CTNNA3: variants seen among roughly 807,000 people sequenced by gnomAD.
The protein encoded by CTNNA3 is catenin alpha-3.
A neutral mutation model predicts 95.7 loss-of-function variants in CTNNA3; 76 were observed. The ratio of observed to expected loss-of-function variants is 0.79; its 90% CI spans 0.66 to 0.96. The LOEUF (loss-of-function observed/expected upper bound fraction) is 0.96, where lower values mean the gene tolerates loss of function less well. Among genes scored for constraint, CTNNA3 ranks in the 40% least tolerant of loss-of-function variants. CTNNA3 has a pLI of 0.00. For missense variants in CTNNA3, 1,191 were observed against 1,089.8 expected, an observed-to-expected ratio of 1.09 and a Z score of -1.31; for synonymous variants, 431 against 374.4, an observed-to-expected ratio of 1.15 and a Z score of -1.74.
At chr10:67,031,008 A>AAAAT (rs1188848880) in intron 7 of CTNNA3, among the ~76,000 whole-genome samples, 3 of 152,128 alleles carry the variant, frequency 2.0e-5, no homozygotes, top group East Asian at 1.9e-4. Context: ...CCGTCTCAAA[A>AAAAT]AAATAAATAA....
intron 15 of CTNNA3, among the ~76,000 whole-genome samples, chr10:66,047,294 C>T (rs2079849102): frequency 6.6e-6 from 1 of 152,118 alleles, no homozygotes; most frequent in South Asian, 2.1e-4. Flanking sequence ...ATTAAGTAGG[C>T]TTCATCCCTG....
intron 5 of CTNNA3, among the ~76,000 whole-genome samples, chr10:67,479,708 G>A (rs1254607450): frequency 6.6e-6 from 1 of 151,966 alleles, no homozygotes; most frequent in African/African-American, 2.4e-5. Context: ...TAACCCCAAA[G>A]CTAGCTGAAT....
At chr10:66,223,093 A>C (rs1403836745) in intron 13 of CTNNA3, among the ~76,000 whole-genome samples, 3 of 152,160 alleles carry the variant, frequency 2.0e-5, no homozygotes, top group African/African-American at 7.2e-5. Context: ...AACCTTAACA[A>C]AATGTTTATA....
intron 11 of CTNNA3, among the ~76,000 whole-genome samples, chr10:66,436,068 A>G (rs1183562167): frequency 1.3e-5 from 2 of 152,040 alleles, no homozygotes; most frequent in East Asian, 3.8e-4. Flanking sequence ...ATTTATTTGC[A>G]TTTGCTGAGG....
chr10:67,656,862 G>A (rs1325059077), intron 1 of CTNNA3, among the ~76,000 whole-genome samples: 1 of 152,188 alleles, frequency 6.6e-6, no homozygotes, highest in East Asian at 1.9e-4. Context: ...AGTCAGAAAG[G>A]TATGGAGGCT....
In CTNNA3 at chr10:67,126,820, C is replaced by CT. The variant is rs540272495; in HGVS notation, c.1047+53496dup. ...TAACCTAATGTAACAATGAGACACT[C>CT]TGAGCCTTGCTGGATGGTTTAACTA... On this transcript the variant is annotated intron_variant, in intron 7 of 17. Coordinates refer to ENST00000433211, the MANE Select transcript of CTNNA3 (RefSeq NM_013266.4). Among the ~76,000 whole-genome samples the CT allele has an allele frequency of 1.9e-3, 284 of 152,342 alleles. 1 individual carries two copies. Among genetic ancestry groups the CT allele is most frequent in the Non-Finnish European group, 3.5e-3 (241 of 68,030 alleles).
At chr10:67,273,031 G>A (rs974355938) in intron 5 of CTNNA3, among the ~76,000 whole-genome samples, 11 of 152,204 alleles carry the variant, frequency 7.2e-5, no homozygotes, top group South Asian at 4.1e-4. Flanking sequence ...GCATAATGTA[G>A]TAGTTACAAT....
At chr10:67,538,069 C>T (rs751843679) in intron 4 of CTNNA3, among the ~76,000 whole-genome samples, 14 of 147,288 alleles carry the variant, frequency 9.5e-5, no homozygotes, top group Non-Finnish European at 1.6e-4. Context: ...GTAACAGAAA[C>T]CTTTGCTCAA....
chr10:67,311,629 C>T lies in CTNNA3; in HGVS notation c.580-91759G>A, dbSNP rs369441646. On this transcript the variant is annotated intron_variant, in intron 5 of 17. Coordinates refer to ENST00000433211, the MANE Select transcript of CTNNA3 (RefSeq NM_013266.4). ...GCATTTTATTGTATTCAAATCATAC[C>T]TCAATAAAGTTGATTTTAAAAATTG... is the stretch of plus-strand genomic sequence containing the variant. Among the ~76,000 whole-genome samples, 46 of 152,126 alleles carry T rather than the reference C, an allele frequency of 3.0e-4. No individual in the cohort carries two copies. The East Asian group carries it at 6.6e-3, about 22-fold the overall frequency.
chr10:66,285,032 A>G (rs991322968), intron 12 of CTNNA3, among the ~76,000 whole-genome samples: 18 of 151,964 alleles, frequency 1.2e-4, no homozygotes, highest in African/African-American at 4.1e-4. Flanking sequence ...TACCTCATAG[A>G]TCATATATCA....
intron 7 of CTNNA3, among the ~76,000 whole-genome samples, chr10:67,015,708 T>C (rs10997483): frequency 0.31 from 47,309 of 151,986 alleles, 8,603 homozygotes; most frequent in East Asian, 0.53. Context: ...TGTAACAATT[T>C]TCTTCTTTTT....
At chr10:66,552,581 G>A (rs1203804598) in intron 10 of CTNNA3, among the ~76,000 whole-genome samples, 1 of 151,830 alleles carries the variant, frequency 6.6e-6, no homozygotes, top group Non-Finnish European at 1.5e-5. Flanking sequence ...TCTCTAGTGA[G>A]CTTACATCAC....
At chr10:66,054,021 C>T (rs2080018815) in intron 15 of CTNNA3, among the ~76,000 whole-genome samples, 1 of 152,078 alleles carries the variant, frequency 6.6e-6, no homozygotes, top group African/African-American at 2.4e-5. Flanking sequence ...AACGTAATAT[C>T]TTACATTTCT....
chr10:67,132,638 C>T (rs1394863039), intron 7 of CTNNA3, among the ~76,000 whole-genome samples: 1 of 151,828 alleles, frequency 6.6e-6, no homozygotes, highest in Admixed American at 6.6e-5. Context: ...TTATCAAGGA[C>T]ACATAAAATA....
chr10:66,190,769 C>A (rs893567926), intron 13 of CTNNA3, among the ~76,000 whole-genome samples: 6 of 152,002 alleles, frequency 3.9e-5, no homozygotes, highest in African/African-American at 1.4e-4. Flanking sequence ...AAGTAACTGG[C>A]CCATCATTGT....
chr10:67,568,647 T>C (rs1205946275), intron 3 of CTNNA3, among the ~76,000 whole-genome samples: 1 of 152,108 alleles, frequency 6.6e-6, no homozygotes. Context: ...TTGGGTTACC[T>C]GTATTGAAAG....
chr10:66,770,567 G>T (rs1254482296), intron 8 of CTNNA3, among the ~76,000 whole-genome samples: 1 of 152,036 alleles, frequency 6.6e-6, no homozygotes, highest in Non-Finnish European at 1.5e-5. Flanking sequence ...TTAATAAAAG[G>T]CTTTGAGACA....
chr10:66,701,961 T>C (rs1847957289), intron 9 of CTNNA3, among the ~76,000 whole-genome samples: 1 of 152,170 alleles, frequency 6.6e-6, no homozygotes, highest in East Asian at 1.9e-4. Flanking sequence ...TTGTATATTT[T>C]AAATCATCAG....
At chr10:66,260,991 G>A (rs190248044) in intron 13 of CTNNA3, among the ~76,000 whole-genome samples, 119 of 152,078 alleles carry the variant, frequency 7.8e-4, no homozygotes, top group African/African-American at 2.6e-3. Context: ...AGTGACTTTG[G>A]GAGAGTAATT....
Sources: allele counts gnomAD v4.1 joint callset (sites outside exome capture counted in the v4.1 genomes callset), GRCh38; gene constraint gnomAD v4.1.1; transcripts MANE v1.5; gene names NCBI Gene and HGNC (gene_info 2026-07-23, HGNC 2026-07-21).